FBXO15: variants seen among roughly 807,000 people sequenced by gnomAD.
FBXO15 encodes the protein F-box protein 15, also known as F-box only protein 15.
FBXO15 carries 30 observed loss-of-function variants against 49.5 expected under a neutral mutation model. That is an observed-to-expected ratio of 0.61 (90% CI 0.45 to 0.82). The LOEUF is 0.82. Among genes scored for constraint, FBXO15 ranks in the 40% least tolerant of loss-of-function variants. The pLI is 0.00. For synonymous variants in FBXO15, 250 were observed against 232.7 expected (o/e 1.07, Z -0.68); for missense variants, 591 against 631.5 (o/e 0.94, Z 0.69).
chr18:74,123,274 A>G, intron 8 of FBXO15, 94 bp downstream of exon 8: 2 of 1,352,760 alleles, frequency 1.5e-6, no homozygotes, highest in Non-Finnish European at 2.0e-6. Flanking sequence ...TTATAAAGTG[A>G]CCAGTGAGGG....
chr18:74,142,288 T>C (rs1019087215), intron 1 of FBXO15, among the ~76,000 whole-genome samples: 3 of 152,240 alleles, frequency 2.0e-5, no homozygotes. Context: ...TTATATATTT[T>C]TGTACTTCTG....
In FBXO15 at chr18:74,110,180, T is replaced by C. The variant is rs575310109; in HGVS notation, c.1138+13188A>G. On this transcript the variant is annotated intron_variant, in intron 8 of 9. Transcript: ENST00000419743. ...ATATGTGTGCATATATATATATATA[T>C]ACACATATGTGTGCATATATATATA... Among the ~76,000 whole-genome samples the C allele has an allele frequency of 6.5e-3, 759 of 116,988 alleles. 5 individuals are homozygous for C. The highest frequency in any genetic ancestry group is 0.021 in the African/African-American group (659 of 32,030). The allele number at this position is 116,988 out of a possible 152,430, so 76.7% of individuals were successfully genotyped here.
chr18:74,090,284 T>C (rs990964379), intron 8 of FBXO15, among the ~76,000 whole-genome samples: 3 of 152,182 alleles, frequency 2.0e-5, no homozygotes, highest in Non-Finnish European at 2.9e-5. Context: ...TTTCTGATTG[T>C]ATTTATTTGT....
rs1302535170 is a variant in FBXO15 at position 74,125,925 on chromosome 18, G to A, written c.912+50C>T. 1.1e-5 allele frequency: 18 copies of A among 1,600,536 alleles called. No individual in the cohort carries two copies. The Admixed American group carries it at 2.2e-4, about 19-fold the overall frequency. The stretch of plus-strand genomic sequence containing the variant: ...GTCATACATAATGGTAAGTAAATGT[G>A]GTATTGTGATGGGGAAATGACACAG... On this transcript the variant is annotated intron_variant, in intron 6 of 9. Transcript: ENST00000419743.
At chr18:74,133,110 C>A (rs1157037945) in intron 3 of FBXO15, among the ~76,000 whole-genome samples, 1 of 152,228 alleles carries the variant, frequency 6.6e-6, no homozygotes, top group African/African-American at 2.4e-5. Context: ...TGTAGTCTGA[C>A]TTCATGATCA....
At chr18:74,132,305 C>G (rs1335183157) in intron 3 of FBXO15, among the ~76,000 whole-genome samples, 1 of 152,164 alleles carries the variant, frequency 6.6e-6, no homozygotes, top group Non-Finnish European at 1.5e-5. Flanking sequence ...AGCATCTCAC[C>G]CTATGTAAGT....
chr18:74,147,388 T>C (rs781590053), intron 1 of FBXO15, among the ~76,000 whole-genome samples: 1 of 152,044 alleles, frequency 6.6e-6, no homozygotes, highest in Non-Finnish European at 1.5e-5. Context: ...AACGACCTCT[T>C]GGACCTGCAC....
chr18:74,088,416 A>G (rs1912845145), intron 8 of FBXO15, among the ~76,000 whole-genome samples: 1 of 152,246 alleles, frequency 6.6e-6, no homozygotes, highest in African/African-American at 2.4e-5. Context: ...AATCATCTGC[A>G]TATGGCTAGC....
chr18:74,134,195 A>G (rs1978571448), intron 3 of FBXO15, among the ~76,000 whole-genome samples: 1 of 152,122 alleles, frequency 6.6e-6, no homozygotes, highest in Non-Finnish European at 1.5e-5. Flanking sequence ...CACCCTTTCC[A>G]ACTAGGGAAC....
chr18:74,097,687 G>T (rs1449250872), intron 8 of FBXO15: 1 of 152,272 alleles, frequency 6.6e-6, no homozygotes, highest in Non-Finnish European at 1.5e-5. Context: ...CCTGGTAGCT[G>T]AAGACAAAGG....
At chr18:74,146,406 A>G (rs1443052001) in intron 1 of FBXO15, among the ~76,000 whole-genome samples, 1 of 152,236 alleles carries the variant, frequency 6.6e-6, no homozygotes, top group African/African-American at 2.4e-5. Context: ...GCCAGGCATA[A>G]TGACAGGCCC....
intron 3 of FBXO15, among the ~76,000 whole-genome samples, chr18:74,135,071 T>C (rs746164364): frequency 2.4e-4 from 36 of 152,066 alleles, no homozygotes; most frequent in Non-Finnish European, 4.1e-4. Context: ...GATTCCACCA[T>C]CTCTCCCTCC....
chr18:74,089,612 A>G (rs1019660328), intron 8 of FBXO15, among the ~76,000 whole-genome samples: 2 of 152,130 alleles, frequency 1.3e-5, no homozygotes, highest in African/African-American at 4.8e-5. Context: ...TAGTTTCTTG[A>G]AGGTTTTTAT....
At chr18:74,124,345 A>G (rs1247113990) in intron 7 of FBXO15, 144 bp downstream of exon 7, 1 of 649,152 alleles carries the variant, frequency 1.5e-6, no homozygotes, top group Non-Finnish European at 2.7e-6. Flanking sequence ...TTTTAGCGAC[A>G]GCTAATTGTG....
intron 8 of FBXO15, among the ~76,000 whole-genome samples, chr18:74,108,549 C>G (rs913194892): frequency 1.3e-5 from 2 of 149,368 alleles, no homozygotes; most frequent in Non-Finnish European, 3.0e-5. Context: ...ACAGAATATC[C>G]AATAACTACA....
chr18:74,108,086 T>A (rs1300035305), intron 8 of FBXO15, among the ~76,000 whole-genome samples: 1 of 152,138 alleles, frequency 6.6e-6, no homozygotes, highest in Non-Finnish European at 1.5e-5. Flanking sequence ...ACCACATTAC[T>A]ATTTTTTGTG....
chr18:74,126,209 G>T, intron 5 of FBXO15, 108 bp from the exon 6 acceptor site: 2 of 1,440,064 alleles, frequency 1.4e-6, no homozygotes, highest in Non-Finnish European at 1.9e-6. Context: ...GCATGTTAAT[G>T]ATGTGCTCAA....
rs964540706 is a variant in FBXO15 at position 74,140,078 on chromosome 18, T to G, written c.227+124A>C. The G allele has an allele frequency of 4.3e-6, 3 of 692,296 alleles. No homozygotes were observed. In the Admixed American group the frequency reaches 9.2e-5, roughly 21 times the overall value. 42.9% of individuals were successfully genotyped at this position (692,296 alleles called of 1,614,324 possible). A position where few individuals can be genotyped will look rare whatever the true frequency, so the allele number is the denominator to read the frequency against. ...ATCAAATGCTCCATGCTGTACTGTCTTCCTACACAATCCTATTCTTAGCAA... is the reference window on the plus strand; with the variant it reads ...ATCAAATGCTCCATGCTGTACTGTCGTCCTACACAATCCTATTCTTAGCAA... On this transcript the variant is annotated intron_variant, in intron 2 of 9. Coordinates refer to ENST00000419743, the MANE Select transcript of FBXO15 (RefSeq NM_001142958.2).
chr18:74,117,076 G>A (rs1914263570), intron 8 of FBXO15, among the ~76,000 whole-genome samples: 3 of 152,064 alleles, frequency 2.0e-5, no homozygotes, highest in African/African-American at 7.2e-5. Flanking sequence ...TATACCACAT[G>A]GTACCACAAG....
Sources: allele counts gnomAD v4.1 joint callset (sites outside exome capture counted in the v4.1 genomes callset), GRCh38; gene constraint gnomAD v4.1.1; transcripts MANE v1.5; gene names NCBI Gene and HGNC (gene_info 2026-07-23, HGNC 2026-07-21).